Variants in CACNA2D3 observed in about 807,000 individuals in gnomAD.
The protein encoded by CACNA2D3 is voltage-dependent calcium channel subunit alpha-2/delta-3.
In CACNA2D3, 60 loss-of-function variants were observed where a neutral mutation model predicts 160.6. The ratio of observed to expected loss-of-function variants is 0.37; its 90% CI spans 0.30 to 0.46. CACNA2D3 has a LOEUF of 0.46. CACNA2D3 is among the 20% of genes least tolerant of loss of function. The pLI, the probability that CACNA2D3 is intolerant of heterozygous loss-of-function variation, is 1.00. For synonymous variants in CACNA2D3, 558 were observed against 492.9 expected (o/e 1.13, Z -1.75); for missense variants, 1,205 against 1,365.0 (o/e 0.88, Z 1.85).
intron 35 of CACNA2D3, among the ~76,000 whole-genome samples, chr3:55,025,754 A>G (rs1248039742): frequency 6.6e-6 from 1 of 150,974 alleles, no homozygotes; most frequent in Non-Finnish European, 1.5e-5. Flanking sequence ...GAGATTGGGT[A>G]GTAAGTGGAG....
At position 54,924,979 on chromosome 3, in the gene CACNA2D3, A is replaced by G. The variant is rs751691126; in HGVS notation, c.2449+25111A>G. The G allele has an allele frequency of 8.1e-6, 13 of 1,611,694 alleles. No homozygotes were observed. In the South Asian group the frequency reaches 1.3e-4, roughly 16 times the overall value. ...GCCAGATTTGAAAGGGAATTGTTGG[A>G]CAAGTTTAAGGTCATGAGCCATGGC... On this transcript the variant is annotated intron_variant, in intron 27 of 37. Transcript: ENST00000474759.
intron 2 of CACNA2D3, among the ~76,000 whole-genome samples, chr3:54,220,903 T>TA (rs1297465268): frequency 6.6e-6 from 1 of 152,198 alleles, no homozygotes; most frequent in Non-Finnish European, 1.5e-5. Context: ...TTCCTGCCTT[T>TA]CCTGCTGCTG....
At chr3:54,852,508 A>G (rs1699080710) in intron 17 of CACNA2D3, among the ~76,000 whole-genome samples, 2 of 152,134 alleles carry the variant, frequency 1.3e-5, no homozygotes, top group Non-Finnish European at 2.9e-5. Flanking sequence ...GGAATTTAAT[A>G]TTGCTGTTTC....
chr3:54,148,052 G>A (rs894150783), intron 2 of CACNA2D3, among the ~76,000 whole-genome samples: 8 of 152,170 alleles, frequency 5.3e-5, no homozygotes, highest in South Asian at 2.1e-4. Context: ...CCGCCTTGGC[G>A]TCCCAAAGTG....
At chr3:54,393,033 G>A (rs1699308678) in intron 4 of CACNA2D3, among the ~76,000 whole-genome samples, 1 of 152,164 alleles carries the variant, frequency 6.6e-6, no homozygotes, top group Admixed American at 6.5e-5. Context: ...AACTAAACAG[G>A]GCTGAAGTGC....
intron 35 of CACNA2D3, among the ~76,000 whole-genome samples, chr3:55,051,505 C>A (rs1375029985): frequency 6.6e-6 from 1 of 151,964 alleles, no homozygotes; most frequent in African/African-American, 2.4e-5. Flanking sequence ...CTGCTCTCTT[C>A]AAAGCTGTCA....
chr3:54,276,028 A>G (rs1288613580), intron 2 of CACNA2D3, among the ~76,000 whole-genome samples: 5 of 152,248 alleles, frequency 3.3e-5, no homozygotes, highest in Non-Finnish European at 7.4e-5. Context: ...AATAACTACA[A>G]TTCAGTGCAA....
chr3:54,654,946 G>C (rs1161312704), intron 11 of CACNA2D3, among the ~76,000 whole-genome samples: 1 of 152,144 alleles, frequency 6.6e-6, no homozygotes, highest in Non-Finnish European at 1.5e-5. Flanking sequence ...TTATTGGCCA[G>C]ACCAGGCAGA....
chr3:54,141,084 T>C (rs919445395), intron 2 of CACNA2D3, among the ~76,000 whole-genome samples: 4 of 112,380 alleles, frequency 3.6e-5, no homozygotes, highest in Admixed American at 9.8e-5. Context: ...TGTGTGTGTG[T>C]GTGCGCGCGC....
intron 10 of CACNA2D3, among the ~76,000 whole-genome samples, chr3:54,631,291 ATTTG>A (rs899991005): frequency 4.6e-5 from 7 of 151,666 alleles, no homozygotes; most frequent in African/African-American, 1.5e-4. Context: ...TTAACACTAT[ATTTG>A]TTTGAGTGCA....
chr3:54,529,622 T>G (rs1322496579), intron 5 of CACNA2D3, among the ~76,000 whole-genome samples: 2 of 152,198 alleles, frequency 1.3e-5, no homozygotes, highest in Non-Finnish European at 2.9e-5. Context: ...GGCTTCTCCC[T>G]GGCAGAGGTT....
At chr3:54,943,135 G>A (rs565507833) in intron 27 of CACNA2D3, among the ~76,000 whole-genome samples, 53 of 151,864 alleles carry the variant, frequency 3.5e-4, no homozygotes, top group East Asian at 1.9e-3. Flanking sequence ...CCAGGAGTTC[G>A]AGGCTACAGT....
At chr3:55,055,861 A>G (rs1704347939) in intron 35 of CACNA2D3, among the ~76,000 whole-genome samples, 1 of 152,140 alleles carries the variant, frequency 6.6e-6, no homozygotes, top group Admixed American at 6.5e-5. Context: ...GTGTACAGAA[A>G]TGCTAAAAAC....
At chr3:54,772,134 G>A (rs1702332618) in intron 13 of CACNA2D3, among the ~76,000 whole-genome samples, 1 of 149,098 alleles carries the variant, frequency 6.7e-6, no homozygotes, top group African/African-American at 2.5e-5. Context: ...AAGGGAGTAG[G>A]TAAGTATTTG....
Position 55,009,119 on chromosome 3 carries a change from G to A in CACNA2D3, c.2820-269G>A, listed in dbSNP as rs533692912. Among the ~76,000 whole-genome samples the A allele has an allele frequency of 2.6e-5, 4 of 152,236 alleles. No homozygotes were observed. The East Asian group carries it at 7.7e-4, about 29-fold the overall frequency. On this transcript the variant is annotated intron_variant, in intron 33 of 37. Coordinates refer to ENST00000474759, the MANE Select transcript of CACNA2D3 (RefSeq NM_018398.3). ...GATTGAACAACTGGTGAACAACAAC[G>A]AGAAAAGTATTTCAGCCTATACAGC...
At chr3:55,072,631 T>G (rs1412490379) in intron 35 of CACNA2D3, among the ~76,000 whole-genome samples, 9 of 152,360 alleles carry the variant, frequency 5.9e-5, no homozygotes, top group African/African-American at 1.7e-4. Flanking sequence ...AGTTAAATAT[T>G]TAGCTAATCT....
intron 12 of CACNA2D3, among the ~76,000 whole-genome samples, chr3:54,762,369 A>T (rs1009462108): frequency 6.6e-6 from 1 of 152,094 alleles, no homozygotes; most frequent in Non-Finnish European, 1.5e-5. Context: ...CCTCTGGCTA[A>T]CTGGTCCTCA....
chr3:54,694,902 T>C (rs1319026331), intron 11 of CACNA2D3, among the ~76,000 whole-genome samples: 5 of 152,240 alleles, frequency 3.3e-5, no homozygotes, highest in Non-Finnish European at 7.3e-5. Flanking sequence ...AAAATCCCAA[T>C]GTAGTAATTT....
At chr3:54,791,485 AAAAG>A (rs1459971377) in intron 13 of CACNA2D3, among the ~76,000 whole-genome samples, 16 of 152,360 alleles carry the variant, frequency 1.1e-4, no homozygotes, top group African/African-American at 3.6e-4. Context: ...AATTCTTTTA[AAAAG>A]AAAAATTAAT....
Sources: allele counts gnomAD v4.1 joint callset (sites outside exome capture counted in the v4.1 genomes callset), GRCh38; gene constraint gnomAD v4.1.1; transcripts MANE v1.5; gene names NCBI Gene and HGNC (gene_info 2026-07-23, HGNC 2026-07-21).